TSHZ3: variants seen among roughly 807,000 people sequenced by gnomAD.
TSHZ3 encodes the protein teashirt zinc finger homeobox 3.
In TSHZ3, 10 loss-of-function variants were observed where a neutral mutation model predicts 64.5. The observed-to-expected ratio is 0.16, with a 90% CI of 0.10 to 0.26. The LOEUF is 0.26. TSHZ3 is among the 10% of genes least tolerant of loss of function. The probability of loss-of-function intolerance (pLI) is 1.00; values close to 1 mark genes in which losing one functional copy is unlikely to be tolerated. For synonymous variants in TSHZ3, 608 were observed against 593.1 expected, an observed-to-expected ratio of 1.03 and a Z score of -0.36; for missense variants, 1,242 against 1,421.7, an observed-to-expected ratio of 0.87 and a Z score of 2.03.
intron 5 of TSHZ3, among the ~76,000 whole-genome samples, chr19:31,188,363 T>C (rs2145134951): frequency 6.6e-6 from 1 of 152,020 alleles, no homozygotes. Context: ...ATGAATTTTA[T>C]ATATTTTTCT....
chr19:31,171,337 A>G (rs1974531720), intron 5 of TSHZ3, among the ~76,000 whole-genome samples: 1 of 152,138 alleles, frequency 6.6e-6, no homozygotes, highest in Non-Finnish European at 1.5e-5. Flanking sequence ...AGGGAAGAAG[A>G]CTTTATTCAG....
At chr19:31,297,220 T>TC (rs1356302144) in intron 1 of TSHZ3, among the ~76,000 whole-genome samples, 41 of 152,226 alleles carry the variant, frequency 2.7e-4, no homozygotes, top group African/African-American at 8.9e-4. Context: ...GCTCCCCGCA[T>TC]CCCCTCAGAG....
intron 5 of TSHZ3, among the ~76,000 whole-genome samples, chr19:31,159,327 C>A (rs188100489): frequency 6.6e-6 from 1 of 152,014 alleles, no homozygotes; most frequent in African/African-American, 2.4e-5. Flanking sequence ...TAAGGACCTT[C>A]GTGATTACAG....
intron 3 of TSHZ3, among the ~76,000 whole-genome samples, chr19:31,238,832 T>C (rs1975654948): frequency 6.6e-6 from 1 of 152,214 alleles, no homozygotes; most frequent in Admixed American, 6.5e-5. Context: ...CTTTTTTTCC[T>C]AGTCAAAAAT....
intron 4 of TSHZ3, among the ~76,000 whole-genome samples, chr19:31,225,578 G>T (rs936725558): frequency 6.6e-6 from 1 of 152,132 alleles, no homozygotes; most frequent in Non-Finnish European, 1.5e-5. Flanking sequence ...TCTCTTTCTT[G>T]CATGACAGAA....
At chr19:31,175,643 G>A (rs1356059093) in intron 5 of TSHZ3, among the ~76,000 whole-genome samples, 1 of 152,218 alleles carries the variant, frequency 6.6e-6, no homozygotes, top group African/African-American at 2.4e-5. Context: ...GCACATCCTA[G>A]TGGGGAGAAG....
chr19:31,289,442 G>GGGCAAGGAAAGGA (rs1246955423), intron 1 of TSHZ3, among the ~76,000 whole-genome samples: 3 of 152,190 alleles, frequency 2.0e-5, no homozygotes, highest in Non-Finnish European at 4.4e-5. Context: ...GGGAAATGGA[G>GGGCAAGGAAAGGA]GGCAAGGAAA....
chr19:31,278,542 A>G lies in TSHZ3; in HGVS notation c.1251T>C (p.Ser417=), dbSNP rs747845958. The change falls in exon 2 of 2, where the codon TCT becomes TCC. Residue 417 remains serine, a synonymous_variant. Coordinates refer to ENST00000240587, the MANE Select transcript of TSHZ3 (RefSeq NM_020856.4). The surrounding 1 kb of genome is among the most constrained non-coding windows in gnomAD (Gnocchi z 4.7). ...CAATGGGCTTCCCCTTTTTCATAGC[A>G]GAGTTGGTGACCTTGATGAAGTGGC... ...VTGHFIKVTN[S]AMKKGKPIVE... 1.3e-5 allele frequency: 21 copies of G among 1,613,948 alleles called. No individual in the cohort carries two copies. In the Admixed American group the frequency reaches 2.0e-4, roughly 15 times the overall value.
chr19:31,231,220 C>T (rs1975535064), intron 3 of TSHZ3, among the ~76,000 whole-genome samples: 1 of 152,042 alleles, frequency 6.6e-6, no homozygotes. Context: ...GGATTATTGC[C>T]TGGGATTCAT....
intron 4 of TSHZ3, among the ~76,000 whole-genome samples, chr19:31,208,447 T>C (rs999050044): frequency 6.6e-6 from 1 of 152,198 alleles, no homozygotes; most frequent in Non-Finnish European, 1.5e-5. Context: ...AACCCTGCAA[T>C]GTAGTTCATG....
intron 4 of TSHZ3, among the ~76,000 whole-genome samples, chr19:31,208,967 C>G (rs1020913478): frequency 1.3e-5 from 2 of 152,066 alleles, no homozygotes; most frequent in African/African-American, 4.8e-5. Flanking sequence ...GTGAGCTGGA[C>G]CTGAAGGTAG....
chr19:31,156,054 C>A (rs180684679), intron 6 of TSHZ3, among the ~76,000 whole-genome samples: 8 of 152,296 alleles, frequency 5.3e-5, no homozygotes, highest in African/African-American at 1.4e-4. Flanking sequence ...TTCTTCAGGT[C>A]AGGGACCGTG....
chr19:31,322,316 A>T (rs1275224503), intron 1 of TSHZ3, among the ~76,000 whole-genome samples: 1 of 151,922 alleles, frequency 6.6e-6, no homozygotes, highest in Non-Finnish European at 1.5e-5. Context: ...TTTGTATTTT[A>T]AGTAGAGACA....
At chr19:31,157,762 G>T (rs887301328) in intron 5 of TSHZ3, among the ~76,000 whole-genome samples, 1 of 152,180 alleles carries the variant, frequency 6.6e-6, no homozygotes, top group Non-Finnish European at 1.5e-5. Flanking sequence ...TGGGGCTGAA[G>T]GGAATCAAAG....
intron 1 of TSHZ3, among the ~76,000 whole-genome samples, chr19:31,284,209 G>C (rs533443148): frequency 2.0e-5 from 3 of 152,130 alleles, no homozygotes; most frequent in Admixed American, 6.5e-5. Flanking sequence ...GTAGGTGAGT[G>C]GGGGGTCATG....
chr19:31,258,873 G>A (rs999118205), intron 1 of TSHZ3, among the ~76,000 whole-genome samples: 1 of 152,276 alleles, frequency 6.6e-6, no homozygotes, highest in Admixed American at 6.5e-5. Context: ...CCATCGGGTC[G>A]ATTCCTCTAG....
chr19:31,188,381 G>T (rs1974845995), intron 5 of TSHZ3, among the ~76,000 whole-genome samples: 2 of 151,496 alleles, frequency 1.3e-5, no homozygotes, highest in African/African-American at 2.4e-5. Context: ...TCTGCCTATT[G>T]TACTGGCTAA....
chr19:31,249,476 G>A (rs913197728), intron 1 of TSHZ3, among the ~76,000 whole-genome samples: 1 of 152,152 alleles, frequency 6.6e-6, no homozygotes, highest in African/African-American at 2.4e-5. Flanking sequence ...ACCGACTGCA[G>A]AGTGGCTGCT....
intron 5 of TSHZ3, among the ~76,000 whole-genome samples, chr19:31,202,074 G>A (rs554500770): frequency 7.2e-5 from 11 of 152,244 alleles, no homozygotes; most frequent in African/African-American, 2.4e-4. Context: ...ACTGAGGCAG[G>A]AGAATCGCTT....
Sources: allele counts gnomAD v4.1 joint callset (sites outside exome capture counted in the v4.1 genomes callset), GRCh38; gene constraint gnomAD v4.1.1; non-coding constraint Gnocchi (gnomAD v3.1); transcripts MANE v1.5; gene names NCBI Gene and HGNC (gene_info 2026-07-23, HGNC 2026-07-21).